The following DLG2 variants were observed in gnomAD, a reference collection of about 807,000 sequenced individuals.
DLG2 encodes disks large homolog 2.
In DLG2, 45 loss-of-function variants were observed where a neutral mutation model predicts 132.5. The ratio of observed to expected loss-of-function variants is 0.34; its 90% confidence interval spans 0.27 to 0.44. DLG2 has a LOEUF of 0.44. Among genes scored for constraint, DLG2 ranks in the 20% least tolerant of loss-of-function variants. DLG2 has a pLI of 1.00. For synonymous variants in DLG2, 424 were observed against 419.6 expected (o/e 1.01, Z -0.13); for missense variants, 1,045 against 1,196.9 (o/e 0.87, Z 1.87).
intron 6 of DLG2, among the ~76,000 whole-genome samples, chr11:85,002,474 C>A (rs1286857223): frequency 6.6e-6 from 1 of 152,118 alleles, no homozygotes; most frequent in African/African-American, 2.4e-5. Context: ...TATCAGAAGT[C>A]TGTGGAGGTC....
intron 6 of DLG2, among the ~76,000 whole-genome samples, chr11:84,636,435 A>G (rs2099640566): frequency 6.6e-6 from 1 of 152,208 alleles, no homozygotes; most frequent in Admixed American, 6.5e-5. Context: ...TTATTCAACT[A>G]CTAGTGGTCT....
intron 15 of DLG2, among the ~76,000 whole-genome samples, chr11:83,886,096 C>T (rs185118986): frequency 1.2e-3 from 178 of 152,230 alleles, no homozygotes; most frequent in African/African-American, 4.2e-3. Context: ...TCACACATAA[C>T]AATATTAACC....
chr11:83,815,832 A>C (rs912416018), intron 17 of DLG2, among the ~76,000 whole-genome samples: 1 of 152,182 alleles, frequency 6.6e-6, no homozygotes, highest in Non-Finnish European at 1.5e-5. Flanking sequence ...AGCAGTAAAA[A>C]GGCTTCTTCT....
intron 6 of DLG2, among the ~76,000 whole-genome samples, chr11:84,596,306 C>T (rs2099556955): frequency 1.3e-5 from 2 of 151,200 alleles, no homozygotes; most frequent in African/African-American, 4.9e-5. Flanking sequence ...CTCCCAGGTA[C>T]AAGCAATTCT....
intron 3 of DLG2, among the ~76,000 whole-genome samples, chr11:85,337,977 T>C (rs1189532019): frequency 1.3e-5 from 2 of 152,164 alleles, no homozygotes; most frequent in African/African-American, 2.4e-5. Context: ...AAATAATTAA[T>C]AAGGTGGAAG....
intron 15 of DLG2, among the ~76,000 whole-genome samples, chr11:83,877,254 T>C (rs2065004588): frequency 6.6e-6 from 1 of 152,136 alleles, no homozygotes; most frequent in South Asian, 2.1e-4. Context: ...GAGCATTTCT[T>C]TGTTTATTAG....
intron 19 of DLG2, among the ~76,000 whole-genome samples, chr11:83,617,813 A>G (rs993386831): frequency 6.6e-6 from 1 of 152,180 alleles, no homozygotes; most frequent in Non-Finnish European, 1.5e-5. Flanking sequence ...CCTGACCAAC[A>G]TGGTGAAACT....
chr11:84,381,360 A>T (rs1361244599), intron 7 of DLG2, among the ~76,000 whole-genome samples: 1 of 152,074 alleles, frequency 6.6e-6, no homozygotes, highest in East Asian at 1.9e-4. Flanking sequence ...AGGTACACTC[A>T]CCAGTTCAAT....
chr11:85,493,722 AGGAGAGAAGAGGGGAGGG>A (rs1296912180), intron 3 of DLG2, among the ~76,000 whole-genome samples: 1 of 125,224 alleles, frequency 8.0e-6, no homozygotes, highest in African/African-American at 3.0e-5. Context: ...AGGGGAGGGT[AGGAGAGAAGAGGGGAGGG>A]GGAGAGAAAG....
chr11:85,095,363 AG>A (rs1454920841), intron 6 of DLG2, among the ~76,000 whole-genome samples: 3 of 152,230 alleles, frequency 2.0e-5, no homozygotes, highest in Non-Finnish European at 2.9e-5. Flanking sequence ...AGTAAAGTGA[AG>A]GTGCAATAAA....
intron 2 of DLG2, 141 bp downstream of exon 2, chr11:85,626,446 A>C (rs2082035013): frequency 1.3e-5 from 2 of 152,218 alleles, no homozygotes. Context: ...TAGTAAAATA[A>C]TATTACTGAA....
intron 4 of DLG2, among the ~76,000 whole-genome samples, chr11:85,276,662 A>T (rs988751424): frequency 6.6e-6 from 1 of 152,186 alleles, no homozygotes; most frequent in Non-Finnish European, 1.5e-5. Context: ...AGGACTAAGC[A>T]TCTTTTCACT....
At chr11:84,552,756 A>C (rs1425186263) in intron 6 of DLG2, among the ~76,000 whole-genome samples, 1 of 152,174 alleles carries the variant, frequency 6.6e-6, no homozygotes, top group Admixed American at 6.5e-5. Context: ...CCACCTAGTA[A>C]CTGGTTTCCT....
At chr11:83,957,746 T>C (rs12273926) in intron 14 of DLG2, among the ~76,000 whole-genome samples, 22,546 of 152,102 alleles carry the variant, frequency 0.15, 2,201 homozygotes, top group African/African-American at 0.27. Flanking sequence ...CTGGCCAAAC[T>C]GGACTTTATG....
intron 8 of DLG2, among the ~76,000 whole-genome samples, chr11:84,243,928 GT>G (rs2097268015): frequency 6.6e-6 from 1 of 152,216 alleles, no homozygotes; most frequent in African/African-American, 2.4e-5. Flanking sequence ...AAGGCAGGTA[GT>G]ATTATTCCTA....
At position 84,154,647 on chromosome 11, in the gene DLG2, C is replaced by G. The variant is rs551630851; in HGVS notation, c.624+8814G>C. ...ATATCTCCTAATGCTATCCCTCCCC[C>G]CTTCCCCCACCCCACGACAGGCCCT... On this transcript the variant is annotated intron_variant, in intron 9 of 27. Coordinates refer to ENST00000376104, the MANE Select transcript of DLG2 (RefSeq NM_001142699.3). Among the ~76,000 whole-genome samples the G allele has an allele frequency of 8.5e-5, 13 of 152,102 alleles. No homozygotes were observed. In the East Asian group the frequency reaches 9.7e-4, roughly 11 times the overall value.
chr11:83,804,020 T>C (rs1245839322), intron 17 of DLG2, among the ~76,000 whole-genome samples: 1 of 152,172 alleles, frequency 6.6e-6, no homozygotes, highest in Non-Finnish European at 1.5e-5. Flanking sequence ...TTGCCCATAA[T>C]TACATCTTAG....
chr11:85,394,759 T>C (rs986274874), intron 3 of DLG2, among the ~76,000 whole-genome samples: 3 of 152,182 alleles, frequency 2.0e-5, no homozygotes, highest in Non-Finnish European at 4.4e-5. Flanking sequence ...AGTGACTCCA[T>C]CTCAGATGCT....
At chr11:85,150,758 T>C (rs1053196326) in intron 5 of DLG2, among the ~76,000 whole-genome samples, 1 of 146,410 alleles carries the variant, frequency 6.8e-6, no homozygotes, top group African/African-American at 2.5e-5. Flanking sequence ...GTGTAACATT[T>C]TCTTTATCCA....
Sources: gnomAD v4.1 joint callset for allele counts (sites outside exome capture counted in the v4.1 genomes callset) on GRCh38, gnomAD v4.1.1 for gene constraint, MANE v1.5 for transcripts, NCBI Gene and HGNC (gene_info 2026-07-23, HGNC 2026-07-21) for gene names.